RPIA: variants seen among roughly 807,000 people sequenced by gnomAD.
The protein encoded by RPIA is ribose-5-phosphate isomerase.
A neutral mutation model predicts 37.8 loss-of-function variants in RPIA; 29 were observed. The ratio of observed to expected loss-of-function variants is 0.77; its 90% CI spans 0.57 to 1.05. The LOEUF (loss-of-function observed/expected upper bound fraction) is 1.05. RPIA is among the 50% of genes least tolerant of loss of function. The probability of loss-of-function intolerance (pLI) is 0.00; values close to 1 mark genes in which losing one functional copy is unlikely to be tolerated. For missense variants in RPIA, 385 were observed against 413.6 expected, an observed-to-expected ratio of 0.93 and a Z score of 0.60; for synonymous variants, 167 against 157.0, an observed-to-expected ratio of 1.06 and a Z score of -0.48.
At chr2:88,693,873 G>A (rs1676978347) in intron 1 of RPIA, among the ~76,000 whole-genome samples, 1 of 152,244 alleles carries the variant, frequency 6.6e-6, no homozygotes, top group Non-Finnish European at 1.5e-5. Context: ...GCCCAGCTCT[G>A]TCTGTTTCTG....
chr2:88,703,958 C>G (rs1363579905), intron 3 of RPIA, among the ~76,000 whole-genome samples: 2 of 152,194 alleles, frequency 1.3e-5, no homozygotes, highest in Non-Finnish European at 2.9e-5. Flanking sequence ...CTCTCAAGGT[C>G]AAAGTTCCAC....
intron 3 of RPIA, among the ~76,000 whole-genome samples, chr2:88,719,963 A>C (rs1214317940): frequency 6.6e-6 from 1 of 152,150 alleles, no homozygotes; most frequent in Non-Finnish European, 1.5e-5. Flanking sequence ...ATTGGCCCTT[A>C]CAATCTCACA....
chr2:88,718,060 G>C (rs1410255105), intron 3 of RPIA, among the ~76,000 whole-genome samples: 1 of 152,028 alleles, frequency 6.6e-6, no homozygotes, highest in African/African-American at 2.4e-5. Context: ...AGTTTTTGGT[G>C]ACTCCAAATT....
At chr2:88,693,890 T>G (rs1020888551) in intron 1 of RPIA, among the ~76,000 whole-genome samples, 4 of 152,234 alleles carry the variant, frequency 2.6e-5, no homozygotes, top group African/African-American at 9.6e-5. Context: ...TCTGTGGGTG[T>G]AGCCACCCAG....
At chr2:88,724,132 T>C (rs1331622820) in intron 3 of RPIA, among the ~76,000 whole-genome samples, 1 of 152,148 alleles carries the variant, frequency 6.6e-6, no homozygotes, top group African/African-American at 2.4e-5. Flanking sequence ...CAGTTTTATG[T>C]CTGGCTTTGG....
chr2:88,736,418 C>G (rs1436143018), intron 6 of RPIA, 117 bp from the exon 7 acceptor site: 1 of 1,016,146 alleles, frequency 9.8e-7, no homozygotes, highest in East Asian at 2.5e-5. Context: ...TGTATATTGC[C>G]CTTGATCACT....
chr2:88,737,898 G>T, intron 7 of RPIA, 79 bp from the exon 8 acceptor site: 1 of 1,041,710 alleles, frequency 9.6e-7, no homozygotes. Context: ...ACTTGTCTTT[G>T]GTTATCCCCT....
At chr2:88,723,424 A>G (rs1431758873) in intron 3 of RPIA, among the ~76,000 whole-genome samples, 3 of 152,198 alleles carry the variant, frequency 2.0e-5, no homozygotes, top group Non-Finnish European at 4.4e-5. Flanking sequence ...GAAATCTTGC[A>G]TTCCTTGTTG....
intron 1 of RPIA, among the ~76,000 whole-genome samples, chr2:88,696,503 G>A (rs1213498400): frequency 2.0e-5 from 3 of 151,356 alleles, no homozygotes; most frequent in Non-Finnish European, 4.4e-5. Context: ...TGTGTGTGGG[G>A]GGGCATTGAT....
intron 3 of RPIA, among the ~76,000 whole-genome samples, chr2:88,703,473 C>T (rs1672859870): frequency 6.6e-6 from 1 of 152,226 alleles, no homozygotes; most frequent in Admixed American, 6.5e-5. Context: ...AGGCTCAACA[C>T]CACATGGAAG....
intron 2 of RPIA, among the ~76,000 whole-genome samples, chr2:88,699,577 T>C (rs567254841): frequency 3.8e-4 from 58 of 152,204 alleles, no homozygotes; most frequent in Non-Finnish European, 7.4e-4. Context: ...ACTGTGTGGC[T>C]ACATGGCCTG....
At chr2:88,720,844 A>G (rs1673112063) in intron 3 of RPIA, among the ~76,000 whole-genome samples, 1 of 152,118 alleles carries the variant, frequency 6.6e-6, no homozygotes, top group South Asian at 2.1e-4. Flanking sequence ...ATACCATTTC[A>G]CCCAGCAATC....
chr2:88,698,558 C>G lies in RPIA; in HGVS notation c.346+14C>G. 6.2e-7 allele frequency: 1 copy of G among 1,609,820 alleles called. No homozygotes were observed. Among genetic ancestry groups the G allele is most frequent in the Non-Finnish European group, 8.5e-7 (1 of 1,176,032 alleles). ...TGCAGCGAATAGGTATGCTCTCTCACTGTCTACTGGATGTTTTGTGTGTGA... is the reference window on the plus strand; with the variant it reads ...TGCAGCGAATAGGTATGCTCTCTCAGTGTCTACTGGATGTTTTGTGTGTGA... On this transcript the variant is annotated intron_variant, in intron 2 of 8. Coordinates refer to ENST00000283646, the MANE Select transcript of RPIA (RefSeq NM_144563.3).
chr2:88,729,266 T>C lies in RPIA; in HGVS notation c.403-12T>C, dbSNP rs764179937. Reference sequence around the variant, plus strand: ...GTAAATGATCGTGGTTGCTCTTCCCTGTCCTCCGCAGGCCCGCCAGCTCAT... The same window carrying C: ...GTAAATGATCGTGGTTGCTCTTCCCCGTCCTCCGCAGGCCCGCCAGCTCAT... On this transcript the variant is annotated splice_polypyrimidine_tract_variant and intron_variant, in intron 3 of 8. Transcript: ENST00000283646. 7.4e-6 allele frequency: 12 copies of C among 1,613,936 alleles called. No homozygotes were observed. The Admixed American group carries it at 2.0e-4, about 27-fold the overall frequency.
chr2:88,698,008 A>T (rs183325431), intron 1 of RPIA, among the ~76,000 whole-genome samples: 3 of 149,816 alleles, frequency 2.0e-5, no homozygotes, highest in Admixed American at 1.3e-4. Context: ...GTTTTTTCTT[A>T]GGTGTTTTTC....
chr2:88,718,094 GA>G (rs1344311180), intron 3 of RPIA, among the ~76,000 whole-genome samples: 2 of 151,886 alleles, frequency 1.3e-5, no homozygotes, highest in African/African-American at 2.4e-5. Context: ...AAAAAAGAAG[GA>G]AAAAAACCCC....
rs1673487489 is a variant in RPIA, at chr2:88,750,193, G to T, written c.*115G>T. On this transcript the variant is annotated 3_prime_UTR_variant, in exon 9 of 9. Transcript: ENST00000283646. ...CTCTGCCTGGACAACTTGTGGTGGG[G>T]GGTGGGGGGAAGAGTGGGAGGGGGA... 1 of 707,320 alleles carries T rather than the reference G, an allele frequency of 1.4e-6. No individual in the cohort carries two copies. Among genetic ancestry groups the T allele is most frequent in the Admixed American group, 2.0e-5 (1 of 49,436 alleles). 43.8% of individuals were successfully genotyped at this position (707,320 alleles called of 1,614,324 possible).
chr2:88,742,605 G>C (rs903764509), intron 8 of RPIA, among the ~76,000 whole-genome samples: 3 of 152,110 alleles, frequency 2.0e-5, no homozygotes, highest in African/African-American at 7.2e-5. Context: ...ATTTCGATGG[G>C]AATGGCATTG....
chr2:88,737,875 G>T, intron 7 of RPIA, 102 bp from the exon 8 acceptor site: 1 of 853,730 alleles, frequency 1.2e-6, no homozygotes, highest in Non-Finnish European at 2.0e-6. Context: ...GGTGGGAGCA[G>T]GTTAAAATGC....
Sources: allele counts gnomAD v4.1 joint callset (sites outside exome capture counted in the v4.1 genomes callset), GRCh38; gene constraint gnomAD v4.1.1; transcripts MANE v1.5; gene names NCBI Gene and HGNC (gene_info 2026-07-23, HGNC 2026-07-21).